Variants in TUB observed in about 807,000 individuals in gnomAD.
The protein encoded by TUB is tubby protein homolog.
TUB carries 33 observed loss-of-function variants against 59.7 expected under a neutral mutation model. That is an observed-to-expected ratio of 0.55 (90% CI 0.42 to 0.74). TUB has a LOEUF of 0.74. Ranked by LOEUF, TUB falls within the 30% of genes least tolerant of loss-of-function variation. The pLI is 0.00. For synonymous variants in TUB, 293 were observed against 256.4 expected (o/e 1.14, Z -1.36); for missense variants, 659 against 672.0 (o/e 0.98, Z 0.21).
intron 2 of TUB, among the ~76,000 whole-genome samples, chr11:8,064,147 G>A (rs760729895): frequency 5.3e-5 from 8 of 152,158 alleles, no homozygotes; most frequent in Non-Finnish European, 8.8e-5. Context: ...GTACGTCAGG[G>A]CCATAGTTTC....
At chr11:8,026,326 T>A (rs144667216) in intron 1 of TUB, among the ~76,000 whole-genome samples, 1 of 152,196 alleles carries the variant, frequency 6.6e-6, no homozygotes, top group Non-Finnish European at 1.5e-5. Context: ...AGTTTTTTTA[T>A]AGATTGTTCT....
intron 2 of TUB, among the ~76,000 whole-genome samples, chr11:8,040,805 G>A (rs1942737967): frequency 6.6e-6 from 1 of 152,208 alleles, no homozygotes. Context: ...CATTTGTCAT[G>A]TGCAGCTGGT....
intron 8 of TUB, 128 bp from the exon 9 acceptor site, chr11:8,098,630 G>A: frequency 1.5e-6 from 1 of 677,880 alleles, no homozygotes; most frequent in Non-Finnish European, 2.6e-6. Flanking sequence ...TGAGCAGTAT[G>A]CCTCCCTGGG....
At chr11:8,099,490 G>A (rs1944159165) in intron 9 of TUB, among the ~76,000 whole-genome samples, 1 of 152,190 alleles carries the variant, frequency 6.6e-6, no homozygotes, top group Admixed American at 6.5e-5. Context: ...ATCCTGTGGT[G>A]CCACCTGCTG....
intron 2 of TUB, among the ~76,000 whole-genome samples, chr11:8,057,981 A>G (rs998346590): frequency 2.6e-5 from 4 of 152,216 alleles, no homozygotes; most frequent in Admixed American, 2.0e-4. Flanking sequence ...AGGCCGAGGC[A>G]GGAGGATTGC....
intron 8 of TUB, 125 bp downstream of exon 8, chr11:8,097,951 C>G (rs538645097): frequency 4.2e-6 from 3 of 715,978 alleles, no homozygotes; most frequent in Non-Finnish European, 7.1e-6. Flanking sequence ...CCAGGATCCT[C>G]TCTGATAATC....
chr11:8,096,138 T>C (rs535601016), intron 5 of TUB, among the ~76,000 whole-genome samples: 1 of 152,232 alleles, frequency 6.6e-6, no homozygotes, highest in East Asian at 1.9e-4. Context: ...AACTTGAGGA[T>C]GGGGATGGCA....
chr11:8,076,701 C>T (rs912443253), upstream of TUB: 1 of 152,198 alleles, frequency 6.6e-6, no homozygotes, highest in African/African-American at 2.4e-5. Context: ...GATCCAGGCT[C>T]ACGGACTCTC....
At chr11:8,062,205 G>A (rs981370147) in intron 2 of TUB, 1 of 152,570 alleles carries the variant, frequency 6.6e-6, no homozygotes, top group Non-Finnish European at 1.5e-5. Context: ...TGTTTGAGAG[G>A]AGGACGCAGC....
At chr11:8,034,985 TC>T (rs562664769), upstream of TUB, among the ~76,000 whole-genome samples, 55 of 152,332 alleles carry the variant, frequency 3.6e-4, no homozygotes, top group African/African-American at 1.1e-3. Context: ...AACCCATGTC[TC>T]CCGGCTCCTT....
rs893692273 is a variant in TUB at position 8,090,293 on chromosome 11, C to A, written c.253+62C>A. The A allele has an allele frequency of 1.7e-5, 27 of 1,583,070 alleles. No individual in the cohort carries two copies. The African/African-American group carries it at 3.1e-4, about 18-fold the overall frequency. On this transcript the variant is annotated intron_variant, in intron 3 of 11. Coordinates refer to ENST00000299506, the MANE Select transcript of TUB (RefSeq NM_177972.3). ...TTCGGGGAGCCCGTCACTTCCTGCC[C>A]ACCTAGGCAGGTGCGGACTGGTCCT...
intron 3 of TUB, 31 bp downstream of exon 3, chr11:8,090,262 C>T (rs1943747131): frequency 6.2e-7 from 1 of 1,608,772 alleles, no homozygotes; most frequent in Non-Finnish European, 8.5e-7. Context: ...CACATCCCGT[C>T]ACTGCTTCGG....
In TUB at chr11:8,105,274, T is replaced by C. The variant is rs1278520005; in HGVS notation, c.*3655T>C. 1.3e-5 allele frequency: 2 copies of C among 152,254 alleles called. No homozygotes were observed. The highest frequency in any genetic ancestry group is 2.9e-5 in the Non-Finnish European group (2 of 68,066). 9.4% of individuals were successfully genotyped at this position (152,254 alleles called of 1,614,324 possible). On this transcript the variant is annotated 3_prime_UTR_variant, in exon 12 of 12. Coordinates refer to ENST00000299506, the MANE Select transcript of TUB (RefSeq NM_177972.3). The stretch of plus-strand genomic sequence containing the variant: ...CTCAGATTACACTTCTCCAGATAGC[T>C]GAATGAGTCTGCTTTCACTGTGACT...
In TUB at chr11:8,104,927, G is replaced by A. The variant is rs527779758; in HGVS notation, c.*3308G>A. 1.5e-4 allele frequency: 21 copies of A among 144,110 alleles called. No homozygotes were observed. Among genetic ancestry groups the A allele is most frequent in the Non-Finnish European group, 2.6e-4 (17 of 66,266 alleles). 8.9% of individuals were successfully genotyped at this position (144,110 alleles called of 1,614,324 possible). A position where few individuals can be genotyped will look rare whatever the true frequency, so the allele number is the denominator to read the frequency against. Reference sequence around the variant, plus strand: ...GGGCACAAAATTCTAGAAGCAGAAGGTTGTTTTTTTTTTTTTTTCTCCATT... The same window carrying A: ...GGGCACAAAATTCTAGAAGCAGAAGATTGTTTTTTTTTTTTTTTCTCCATT... On this transcript the variant is annotated 3_prime_UTR_variant, in exon 12 of 12. Transcript: ENST00000299506.
At chr11:8,088,967 T>C (rs1321770494) in intron 1 of TUB, among the ~76,000 whole-genome samples, 2 of 152,192 alleles carry the variant, frequency 1.3e-5, no homozygotes, top group African/African-American at 2.4e-5. Flanking sequence ...GACACCTCTG[T>C]GTGGCCCAAA....
chr11:8,048,059 TACACAGTGAGC>T (rs1942864872), intron 2 of TUB, among the ~76,000 whole-genome samples: 1 of 152,178 alleles, frequency 6.6e-6, no homozygotes, highest in Admixed American at 6.5e-5. Flanking sequence ...ACAGTGCATG[TACACAGTGAGC>T]ACTCAGTAAA....
At chr11:8,029,997 A>AG (rs1942548059) in intron 1 of TUB, among the ~76,000 whole-genome samples, 2 of 152,182 alleles carry the variant, frequency 1.3e-5, no homozygotes, top group Non-Finnish European at 1.5e-5. Context: ...CAGTGTACAG[A>AG]GGGTCGATGA....
In TUB at chr11:8,102,354, G is replaced by A. The variant is rs754934255; in HGVS notation, c.*735G>A. 8.5e-5 allele frequency: 13 copies of A among 152,230 alleles called. No homozygotes were observed. Among genetic ancestry groups the A allele is most frequent in the Admixed American group, 8.5e-4 (13 of 15,288 alleles). 9.4% of individuals were successfully genotyped at this position (152,230 alleles called of 1,614,324 possible). On this transcript the variant is annotated 3_prime_UTR_variant, in exon 12 of 12. Coordinates refer to ENST00000299506, the MANE Select transcript of TUB (RefSeq NM_177972.3). ...GGAACCCAGCTCTCAGGGCTGTCTT[G>A]GTGGATGGGCCCTGCAAGACACAGG...
chr11:8,097,124 C>T (rs951105841), intron 6 of TUB, 104 bp from the exon 7 acceptor site: 1 of 1,316,814 alleles, frequency 7.6e-7, no homozygotes, highest in East Asian at 2.4e-5. Flanking sequence ...AGGATCCTTC[C>T]CTCTCTCCCA....
Sources: allele counts gnomAD v4.1 joint callset (sites outside exome capture counted in the v4.1 genomes callset), GRCh38; gene constraint gnomAD v4.1.1; transcripts MANE v1.5; gene names NCBI Gene and HGNC (gene_info 2026-07-23, HGNC 2026-07-21).